CALCR: variants seen among roughly 807,000 people sequenced by gnomAD.
CALCR encodes the protein calcitonin receptor.
A neutral mutation model predicts 59.5 loss-of-function variants in CALCR; 47 were observed. That is an observed-to-expected ratio of 0.79 (90% CI 0.63 to 1.01). CALCR has a LOEUF of 1.01. Among genes scored for constraint, CALCR ranks in the 50% least tolerant of loss-of-function variants. The pLI is 0.00. For missense variants in CALCR, 566 were observed against 597.1 expected (o/e 0.95, Z 0.54); for synonymous variants, 213 against 211.3 (o/e 1.01, Z -0.07).
intron 2 of CALCR, among the ~76,000 whole-genome samples, chr7:93,557,197 T>C (rs989836648): frequency 6.6e-6 from 1 of 151,946 alleles, no homozygotes; most frequent in African/African-American, 2.4e-5. Flanking sequence ...TTACCAAATG[T>C]CTCCAATCTC....
chr7:93,538,186 T>C (rs1333687379), intron 2 of CALCR, among the ~76,000 whole-genome samples: 1 of 152,028 alleles, frequency 6.6e-6, no homozygotes, highest in Non-Finnish European at 1.5e-5. Flanking sequence ...GGGACCTTTG[T>C]GGTTATTACA....
At chr7:93,567,676 T>C (rs1244106621) in intron 2 of CALCR, among the ~76,000 whole-genome samples, 1 of 152,066 alleles carries the variant, frequency 6.6e-6, no homozygotes, top group African/African-American at 2.4e-5. Flanking sequence ...CATTAGGTAT[T>C]TCTTCTGATG....
chr7:93,522,680 C>G (rs1487847737), intron 2 of CALCR, among the ~76,000 whole-genome samples: 1 of 152,170 alleles, frequency 6.6e-6, no homozygotes, highest in Non-Finnish European at 1.5e-5. Flanking sequence ...TGCAAGATCA[C>G]AAAGCCAGTT....
At chr7:93,485,473 T>G (rs539001409) in intron 3 of CALCR, among the ~76,000 whole-genome samples, 38 of 151,872 alleles carry the variant, frequency 2.5e-4, no homozygotes, top group Middle Eastern at 3.4e-3. Context: ...TTTGTTAGTA[T>G]TTAGTTCTTT....
At chr7:93,506,175 G>A (rs1306463344) in intron 2 of CALCR, among the ~76,000 whole-genome samples, 1 of 152,112 alleles carries the variant, frequency 6.6e-6, no homozygotes, top group East Asian at 1.9e-4. Flanking sequence ...TTCTTGGTAT[G>A]AGATGACGAA....
chr7:93,483,435 A>G (rs958947254), intron 3 of CALCR, among the ~76,000 whole-genome samples: 2 of 138,916 alleles, frequency 1.4e-5, no homozygotes, highest in Non-Finnish European at 1.5e-5. Flanking sequence ...ATAGATAGAT[A>G]GATAGATAGA....
intron 2 of CALCR, among the ~76,000 whole-genome samples, chr7:93,565,632 G>T (rs17080): frequency 6.6e-6 from 1 of 152,006 alleles, no homozygotes; most frequent in Admixed American, 6.6e-5. Context: ...CACTTTGCTG[G>T]GATTTTGCCT....
At chr7:93,448,572 A>G (rs1800049032) in intron 8 of CALCR, among the ~76,000 whole-genome samples, 1 of 151,980 alleles carries the variant, frequency 6.6e-6, no homozygotes, top group African/African-American at 2.4e-5. Context: ...AGACAGATAC[A>G]TAAACAAATA....
In CALCR at chr7:93,479,457, T is replaced by C; in HGVS notation, c.102A>G (p.Ile34Met). 1.2e-6 allele frequency: 2 copies of C among 1,612,628 alleles called. No individual in the cohort carries two copies. Among genetic ancestry groups the C allele is most frequent in the Non-Finnish European group, 1.7e-6 (2 of 1,179,090 alleles). The stretch of plus-strand genomic sequence containing the variant: ...CGACGTAAAGAAATGGCTTGGGCTC[T>C]ATTGTTGGATAGGTTTGATTTGAAA... The part of the protein sequence containing the change: ...PAFSNQTYPT[I>M]EPKPFLYVVG... The change falls in exon 4 of 14, where the codon ATA becomes ATG. Residue 34 changes from isoleucine to methionine, a missense_variant. Physicochemically the swap from Ile to Met is conservative, Grantham distance 10. Transcript: ENST00000426151.
intron 2 of CALCR, among the ~76,000 whole-genome samples, chr7:93,561,820 T>C (rs185678053): frequency 6.6e-6 from 1 of 152,160 alleles, no homozygotes; most frequent in East Asian, 1.9e-4. Flanking sequence ...CCCTGAAAAA[T>C]CACAGGCTGT....
At chr7:93,462,334 G>A (rs181691323) in intron 7 of CALCR, among the ~76,000 whole-genome samples, 56 of 152,144 alleles carry the variant, frequency 3.7e-4, no homozygotes, top group Non-Finnish European at 7.5e-4. Flanking sequence ...TTACACACAC[G>A]CTTCTGTGGA....
In CALCR at chr7:93,425,220, T is replaced by C. The variant is rs1010978153; in HGVS notation, c.*1136A>G. 5.9e-5 allele frequency: 9 copies of C among 152,622 alleles called. No individual in the cohort carries two copies. The highest frequency in any genetic ancestry group is 2.2e-4 in the African/African-American group (9 of 41,454). 9.5% of individuals were successfully genotyped at this position (152,622 alleles called of 1,614,324 possible). On this transcript the variant is annotated 3_prime_UTR_variant, in exon 14 of 14. Coordinates refer to ENST00000426151, the MANE Select transcript of CALCR (RefSeq NM_001742.4). ...AACATGAATTGATTTATGGTTAAAT[T>C]TGGAGCAGTTAATTTTTTCCCCTCC...
At chr7:93,434,049 G>A (rs1584533108) in intron 13 of CALCR, among the ~76,000 whole-genome samples, 2 of 152,206 alleles carry the variant, frequency 1.3e-5, no homozygotes, top group Non-Finnish European at 2.9e-5. Flanking sequence ...TTAACTGCCT[G>A]TCTGAATCAT....
chr7:93,534,339 T>C (rs999981666), intron 2 of CALCR, among the ~76,000 whole-genome samples: 23 of 151,636 alleles, frequency 1.5e-4, no homozygotes, highest in African/African-American at 5.1e-4. Context: ...AGAAAGTAAA[T>C]GGATGAGCTG....
intron 2 of CALCR, among the ~76,000 whole-genome samples, chr7:93,518,496 A>G (rs1177011356): frequency 3.9e-5 from 6 of 151,942 alleles, no homozygotes; most frequent in African/African-American, 7.2e-5. Context: ...AGCAAAGACT[A>G]AACTGTCTTC....
At chr7:93,465,112 C>T (rs530352008) in intron 7 of CALCR, among the ~76,000 whole-genome samples, 2 of 152,044 alleles carry the variant, frequency 1.3e-5, no homozygotes, top group South Asian at 4.1e-4. Flanking sequence ...ATCAGAAAGA[C>T]ATGGATAACA....
rs373410721 is a variant in CALCR at position 93,433,115 on chromosome 7, CTT to C, written c.1191+1136_1191+1137del. Among the ~76,000 whole-genome samples the C allele has an allele frequency of 6.1e-3, 932 of 152,258 alleles. 6 individuals carry two copies. The highest frequency in any genetic ancestry group is 9.6e-3 in the Admixed American group (147 of 15,290). On this transcript the variant is annotated intron_variant, in intron 13 of 13. Transcript: ENST00000426151. The stretch of plus-strand genomic sequence containing the variant: ...AAATGGAGAATAGGAACAACAAAAA[CTT>C]TGTCATGTTGCGGTTGGAAACGGGT...
At chr7:93,555,008 C>G (rs1423532910) in intron 2 of CALCR, among the ~76,000 whole-genome samples, 2 of 151,880 alleles carry the variant, frequency 1.3e-5, no homozygotes, top group Non-Finnish European at 2.9e-5. Context: ...AAGACCAAGA[C>G]TTGATCTTAG....
At chr7:93,481,580 G>A (rs1800798440) in intron 3 of CALCR, among the ~76,000 whole-genome samples, 1 of 151,798 alleles carries the variant, frequency 6.6e-6, no homozygotes, top group Non-Finnish European at 1.5e-5. Context: ...TCTCCCCCTT[G>A]GTAAGTAAGT....
Sources: allele counts gnomAD v4.1 joint callset (sites outside exome capture counted in the v4.1 genomes callset), GRCh38; gene constraint gnomAD v4.1.1; transcripts MANE v1.5; gene names NCBI Gene and HGNC (gene_info 2026-07-23, HGNC 2026-07-21).